ADGB: variants seen among roughly 807,000 people sequenced by gnomAD.
ADGB encodes the protein calpain-7-like protein.
Under a neutral mutation model 210.5 loss-of-function variants are expected in ADGB, and 172 were observed. The observed-to-expected ratio is 0.82, with a 90% CI of 0.72 to 0.93. The LOEUF (loss-of-function observed/expected upper bound fraction) is 0.93, where lower values mean the gene tolerates loss of function less well. Among genes scored for constraint, ADGB ranks in the 40% least tolerant of loss-of-function variants. ADGB has a pLI of 0.00. For missense variants in ADGB, 2,025 were observed against 1,964.8 expected, an observed-to-expected ratio of 1.03 and a Z score of -0.58; for synonymous variants, 658 against 662.7, an observed-to-expected ratio of 0.99 and a Z score of 0.11.
intron 35 of ADGB, among the ~76,000 whole-genome samples, chr6:146,806,327 A>T (rs995509308): frequency 1.3e-5 from 2 of 152,222 alleles, no homozygotes; most frequent in African/African-American, 2.4e-5. Context: ...AGGAGAATGA[A>T]TATGTTTTAT....
At chr6:146,777,446 A>G (rs1273377568) in intron 29 of ADGB, among the ~76,000 whole-genome samples, 1 of 152,140 alleles carries the variant, frequency 6.6e-6, no homozygotes, top group African/African-American at 2.4e-5. Flanking sequence ...CATGTCCTTC[A>G]TGTTGGGGAA....
rs1777342035 is a variant in ADGB, at chr6:146,752,707, C to T, written c.3543C>T (p.Ser1181=). ...FHFLKSEKGL[S]SQSSKHILSF... ...TCTTGAAGAGTGAGAAAGGTTTGAG[C>T]TCCCAGTGTAAGTGTACCTTTATGA... Residue 1181 remains serine, a synonymous_variant, in exon 27 of 36, where the codon AGC becomes AGT. Coordinates refer to ENST00000397944, the MANE Select transcript of ADGB (RefSeq NM_024694.4). 6.5e-7 allele frequency: 1 copy of T among 1,549,020 alleles called. No homozygotes were observed. The highest frequency in any genetic ancestry group is 1.7e-4 in the Middle Eastern group (1 of 5,956).
intron 33 of ADGB, among the ~76,000 whole-genome samples, chr6:146,792,202 G>T (rs556395327): frequency 6.6e-6 from 1 of 152,010 alleles, no homozygotes; most frequent in East Asian, 1.9e-4. Context: ...TTGCATATAT[G>T]GTGTCTTTTG....
At chr6:146,661,975 T>G (rs1428732632) in intron 5 of ADGB, among the ~76,000 whole-genome samples, 1 of 152,156 alleles carries the variant, frequency 6.6e-6, no homozygotes, top group East Asian at 1.9e-4. Flanking sequence ...GCCAGAATTA[T>G]TCTTCTGGCC....
chr6:146,701,091 G>T (rs41285871), intron 13 of ADGB, 21 bp downstream of exon 13: 83,015 of 1,548,032 alleles, frequency 0.054, 2,446 homozygotes, highest in South Asian at 0.065. Flanking sequence ...TACTCTTACT[G>T]TTGGCCCAAC....
chr6:146,644,352 G>T (rs1265277771), intron 2 of ADGB, among the ~76,000 whole-genome samples: 2 of 151,798 alleles, frequency 1.3e-5, no homozygotes, highest in African/African-American at 4.8e-5. Flanking sequence ...TCTTGTTTAT[G>T]ATTCTTACAG....
Position 146,656,940 on chromosome 6 carries a change from T to A in ADGB, c.572T>A (p.Phe191Tyr). ...GCTGTGAAGGGTCATATGCCTTTGT[T>A]CAATAGCTATGGAAAGTATGTTGTG... ...CKAVKGHMPL[F>Y]NSYGKYVVKL... is the part of the protein sequence containing the mutation. Residue 191 changes from phenylalanine to tyrosine, a missense_variant, in exon 5 of 36, where the codon TTC (phenylalanine) becomes TAC (tyrosine). Transcript: ENST00000397944. 6.4e-7 allele frequency: 1 copy of A among 1,551,568 alleles called. No homozygotes were observed. The highest frequency in any genetic ancestry group is 8.7e-7 in the Non-Finnish European group (1 of 1,146,874).
chr6:146,763,913 T>A lies in ADGB; in HGVS notation c.3563T>A (p.Ile1188Asn). 1 of 1,550,802 alleles carries A rather than the reference T, an allele frequency of 6.4e-7. No individual in the cohort carries two copies. ...KGLSSQSSKH[I>N]LSFHSASKKE... ...TTCTCCTATTCAGCTAGCAAGCACA[T>A]TCTTTCATTTCACTCTGCATCCAAG... The change falls in exon 28 of 36, where the codon ATT (isoleucine) becomes AAT (asparagine). Residue 1188 changes from isoleucine (I) to asparagine (N), a missense_variant. Physicochemically the swap from Ile to Asn is moderately radical, Grantham distance 149. Coordinates refer to ENST00000397944, the MANE Select transcript of ADGB (RefSeq NM_024694.4).
At chr6:146,805,787 C>T (rs888830286) in intron 35 of ADGB, among the ~76,000 whole-genome samples, 2 of 152,172 alleles carry the variant, frequency 1.3e-5, no homozygotes, top group African/African-American at 4.8e-5. Context: ...TGCTCTTTCA[C>T]AATTACTACC....
At chr6:146,730,365 A>G (rs1776961847) in intron 20 of ADGB, among the ~76,000 whole-genome samples, 1 of 107,772 alleles carries the variant, frequency 9.3e-6, no homozygotes, top group Non-Finnish European at 1.9e-5. Context: ...AAAGACAAAA[A>G]CAAACAAAAA....
intron 8 of ADGB, among the ~76,000 whole-genome samples, chr6:146,675,739 TTGAGTATATGAA>T (rs1049088910): frequency 1.3e-5 from 2 of 152,090 alleles, no homozygotes; most frequent in African/African-American, 2.4e-5. Flanking sequence ...GTTTTGTGGA[TTGAGTATATGAA>T]TGAGCATTCA....
chr6:146,721,217 C>T (rs181306478), intron 16 of ADGB, among the ~76,000 whole-genome samples, 186 bp from the exon 17 acceptor site: 259 of 152,266 alleles, frequency 1.7e-3, no homozygotes, highest in African/African-American at 4.6e-3. Context: ...TTTCCACAGA[C>T]GGTTGCCAAC....
chr6:146,683,333 A>T (rs1776182327), intron 9 of ADGB, among the ~76,000 whole-genome samples: 1 of 152,116 alleles, frequency 6.6e-6, no homozygotes, highest in Admixed American at 6.6e-5. Flanking sequence ...AATCTCATTT[A>T]TAAGATGTAT....
At chr6:146,803,444 G>T in intron 35 of ADGB, 1 of 1,606,406 alleles carries the variant, frequency 6.2e-7, no homozygotes, top group Non-Finnish European at 8.5e-7. Context: ...CTTCCAGGGG[G>T]CTGTTTTTTT....
chr6:146,779,596 G>A (rs80254692), intron 29 of ADGB, among the ~76,000 whole-genome samples: 1,872 of 151,938 alleles, frequency 0.012, 31 homozygotes, highest in African/African-American at 0.041. Flanking sequence ...AGTGATTCTC[G>A]GTAATATTAA....
chr6:146,633,499 A>G (rs909894848), intron 1 of ADGB, among the ~76,000 whole-genome samples: 6 of 151,682 alleles, frequency 4.0e-5, no homozygotes, highest in Admixed American at 6.6e-5. Context: ...ATCAACTTCC[A>G]TTGCTTTTCC....
chr6:146,801,906 T>C lies in ADGB; in HGVS notation c.4713T>C (p.His1571=), dbSNP rs1778140315. 1 of 1,551,200 alleles carries C rather than the reference T, an allele frequency of 6.4e-7. No individual in the cohort carries two copies. Among genetic ancestry groups the C allele is most frequent in the Non-Finnish European group, 8.7e-7 (1 of 1,146,830 alleles). The change falls in exon 35 of 36, where the codon CAT becomes CAC. Residue 1571 remains histidine (H), a synonymous_variant. Transcript: ENST00000397944. The part of the protein sequence containing the change: ...QQAMQKAEEI[H]QFRQHRTRVL... The stretch of plus-strand genomic sequence containing the variant: ...CAATGCAAAAGGCGGAAGAAATTCA[T>C]CAGTTTCGACAGCATAGGACCAGAG...
intron 27 of ADGB, among the ~76,000 whole-genome samples, chr6:146,759,361 T>A (rs1777454366): frequency 6.6e-6 from 1 of 151,834 alleles, no homozygotes; most frequent in South Asian, 2.1e-4. Flanking sequence ...AATCTTATAC[T>A]AATACTTATG....
Position 146,733,956 on chromosome 6 carries a change from T to C in ADGB, c.2720T>C (p.Val907Ala). The change falls in exon 22 of 36, where the codon GTA becomes GCA. Residue 907 changes from valine to alanine, a missense_variant. Coordinates refer to ENST00000397944, the MANE Select transcript of ADGB (RefSeq NM_024694.4). ...GATAAAGAGTATTCTGCTGAGGAAG[T>C]AGCAGCAGCAATTAAAATTCAAGCC... ...TSDKEYSAEE[V>A]AAAIKIQAMW... 1 of 1,551,500 alleles carries C rather than the reference T, an allele frequency of 6.4e-7. No homozygotes were observed. The highest frequency in any genetic ancestry group is 8.7e-7 in the Non-Finnish European group (1 of 1,146,812).
Sources: gnomAD v4.1 joint callset for allele counts (sites outside exome capture counted in the v4.1 genomes callset) on GRCh38, gnomAD v4.1.1 for gene constraint, MANE v1.5 for transcripts, NCBI Gene and HGNC (gene_info 2026-07-23, HGNC 2026-07-21) for gene names.